Variants in CTSK observed in about 807,000 individuals in gnomAD.
The protein encoded by CTSK is cathepsin O.
Under a neutral mutation model 40.5 loss-of-function variants are expected in CTSK, and 26 were observed. That is an observed-to-expected ratio of 0.64 (90% CI 0.47 to 0.89). The LOEUF (loss-of-function observed/expected upper bound fraction) is 0.89, where lower values mean the gene tolerates loss of function less well. Ranked by LOEUF, CTSK falls within the 40% of genes least tolerant of loss-of-function variation. CTSK has a pLI of 0.00. For missense variants in CTSK, 292 were observed against 400.1 expected, an observed-to-expected ratio of 0.73 and a Z score of 2.30; for synonymous variants, 132 against 143.2, an observed-to-expected ratio of 0.92 and a Z score of 0.56.
rs899909150 is a variant in CTSK, at chr1:150,796,596, C to T, written c.*203G>A. 2 of 648,344 alleles carry T rather than the reference C, an allele frequency of 3.1e-6. No homozygotes were observed. The highest frequency in any genetic ancestry group is 5.4e-5 in the East Asian group (2 of 36,810). The allele number at this position is 648,344 out of a possible 1,614,324, so 40.2% of individuals were successfully genotyped here. A position where few individuals can be genotyped will look rare whatever the true frequency, so the allele number is the denominator to read the frequency against. The stretch of plus-strand genomic sequence containing the variant: ...CAGCTGTCAGGGAAAGTCCTGATGG[C>T]CACAGTGAAAAAGGTCATGGGTGGA... On this transcript the variant is annotated 3_prime_UTR_variant, in exon 8 of 8. Coordinates refer to ENST00000271651, the MANE Select transcript of CTSK (RefSeq NM_000396.4).
chr1:150,806,696 T>C lies in CTSK; in HGVS notation c.110A>G (p.Tyr37Cys), dbSNP rs878961164. The C allele has an allele frequency of 1.9e-6, 3 of 1,613,992 alleles. No individual in the cohort carries two copies. The highest frequency in any genetic ancestry group is 1.7e-6 in the Non-Finnish European group (2 of 1,180,014). ...CAGGACCCCAGGCACCTTGTTGTTATATTGCTTCCTGTGGGTCTTCTTCCA... is the reference window on the plus strand; with the variant it reads ...CAGGACCCCAGGCACCTTGTTGTTACATTGCTTCCTGTGGGTCTTCTTCCA... ...ELWKKTHRKQ[Y>C]NNKVDEISRR... Residue 37 changes from tyrosine (Y) to cysteine (C), a missense_variant, in exon 2 of 8, where the codon TAT (tyrosine) becomes TGT (cysteine). By Grantham distance (194) the Tyr-to-Cys change is radical. Coordinates refer to ENST00000271651, the MANE Select transcript of CTSK (RefSeq NM_000396.4).
chr1:150,801,434 T>A (rs1242655095), intron 5 of CTSK, among the ~76,000 whole-genome samples: 1 of 152,150 alleles, frequency 6.6e-6, no homozygotes, highest in Admixed American at 6.5e-5. Context: ...TCTTCTTTTT[T>A]AAATTTTATT....
chr1:150,799,470 A>T (rs1159983563), intron 6 of CTSK, 74 bp downstream of exon 6: 1 of 1,569,252 alleles, frequency 6.4e-7, no homozygotes, highest in Non-Finnish European at 8.8e-7. Context: ...TACTGAAAAT[A>T]CCCAAGGTCC....
chr1:150,805,638 CAAAAAAAAAAA>C (rs79027279), intron 4 of CTSK, among the ~76,000 whole-genome samples: 4 of 55,000 alleles, frequency 7.3e-5, no homozygotes, highest in Non-Finnish European at 9.7e-5. Context: ...GACTCTATCT[CAAAAAAAAAAA>C]AAAAAAAAAA....
chr1:150,806,638 G>A, intron 2 of CTSK, 48 bp downstream of exon 2: 1 of 1,611,960 alleles, frequency 6.2e-7, no homozygotes, highest in Non-Finnish European at 8.5e-7. Flanking sequence ...AGATGAGAGA[G>A]CTCAGGTCTC....
intron 7 of CTSK, among the ~76,000 whole-genome samples, chr1:150,797,373 G>T (rs189081358): frequency 2.6e-5 from 4 of 152,318 alleles, no homozygotes; most frequent in African/African-American, 9.6e-5. Context: ...ACCCATCATC[G>T]TGAGGAGCCA....
At chr1:150,799,489 A>G (rs2101947897) in intron 6 of CTSK, 55 bp downstream of exon 6, 1 of 1,603,074 alleles carries the variant, frequency 6.2e-7, no homozygotes, top group Non-Finnish European at 8.5e-7. Context: ...CCTTCGAGAA[A>G]CCATCAAGTT....
intron 6 of CTSK, 124 bp from the exon 7 acceptor site, chr1:150,799,397 G>T: frequency 8.3e-7 from 1 of 1,198,358 alleles, no homozygotes; most frequent in Non-Finnish European, 1.2e-6. Flanking sequence ...CAGAGATGCT[G>T]CTCCATACTG....
chr1:150,807,584 A>C, intron 1 of CTSK: 2 of 327,754 alleles, frequency 6.1e-6, no homozygotes, highest in Non-Finnish European at 1.2e-5. Context: ...TTGTTAGAAG[A>C]ATGTTCAGAC....
At chr1:150,797,290 T>C (rs1002691201) in intron 7 of CTSK, among the ~76,000 whole-genome samples, 4 of 152,082 alleles carry the variant, frequency 2.6e-5, no homozygotes, top group African/African-American at 9.7e-5. Context: ...GGGAGAGATG[T>C]CTGGAAAGGC....
intron 2 of CTSK, 110 bp from the exon 3 acceptor site, chr1:150,806,334 T>C: frequency 7.8e-7 from 1 of 1,285,328 alleles, no homozygotes; most frequent in Non-Finnish European, 1.1e-6. Context: ...AGTTTACAGT[T>C]TAGTTGGGGA....
In CTSK at chr1:150,805,991, ATCT is replaced by A. The variant is rs771607501; in HGVS notation, c.266_268del (p.Lys89del). ...AGACAGGGGTACTTTGAGTCCAGTC[ATCT>A]TCTGAACCACCTCTTCACTGGTCTA... is the stretch of plus-strand genomic sequence containing the variant. On this transcript the variant is annotated inframe_deletion, in exon 4 of 8. Coordinates refer to ENST00000271651, the MANE Select transcript of CTSK (RefSeq NM_000396.4). 6 of 1,614,216 alleles carry A rather than the reference ATCT, an allele frequency of 3.7e-6. No homozygotes were observed. In the South Asian group the frequency reaches 4.4e-5, roughly 12 times the overall value.
intron 4 of CTSK, among the ~76,000 whole-genome samples, chr1:150,805,268 A>G (rs1293729924): frequency 6.6e-6 from 1 of 151,666 alleles, no homozygotes; most frequent in African/African-American, 2.4e-5. Flanking sequence ...AACAATTCCA[A>G]TTTTAGGACT....
intron 5 of CTSK, among the ~76,000 whole-genome samples, chr1:150,802,733 T>G (rs890428270): frequency 6.6e-6 from 1 of 151,884 alleles, no homozygotes; most frequent in Non-Finnish European, 1.5e-5. Context: ...AAAAAAAAAT[T>G]TCAAAGGTTT....
intron 5 of CTSK, chr1:150,801,078 A>G (rs1180585857): frequency 6.6e-6 from 1 of 152,472 alleles, no homozygotes; most frequent in Non-Finnish European, 1.5e-5. Context: ...GAACAAACTT[A>G]TAATACCATC....
At chr1:150,804,705 T>C (rs1227583092) in intron 4 of CTSK, among the ~76,000 whole-genome samples, 1 of 152,206 alleles carries the variant, frequency 6.6e-6, no homozygotes, top group Admixed American at 6.5e-5. Context: ...TTTCCTGTTC[T>C]ATTTTTTTAG....
At chr1:150,807,121 C>A in intron 1 of CTSK, 1 of 444,122 alleles carries the variant, frequency 2.3e-6, no homozygotes, top group Non-Finnish European at 4.3e-6. Context: ...CACACACACA[C>A]ACACGTACAC....
At position 150,804,227 on chromosome 1, in the gene CTSK, A is replaced by T. The variant is rs777898190; in HGVS notation, c.412T>A (p.Ser138Thr). ...TPVKNQGQCG[S>T]CWAFSSVGAL... ...CCCACAGAGCTAAAAGCCCAACAGG[A>T]ACCACACTGACCCTGAAAGGCATAC... The change falls in exon 5 of 8, where the codon TCC (serine) becomes ACC (threonine). Residue 138 changes from serine to threonine, a missense_variant. Coordinates refer to ENST00000271651, the MANE Select transcript of CTSK (RefSeq NM_000396.4). 1 of 1,614,004 alleles carries T rather than the reference A, an allele frequency of 6.2e-7. No individual in the cohort carries two copies. Among genetic ancestry groups the T allele is most frequent in the Admixed American group, 1.7e-5 (1 of 60,022 alleles).
In CTSK at chr1:150,805,477, A is replaced by G. The variant is rs587615996; in HGVS notation, c.399+384T>C. 4.6e-5 allele frequency among the ~76,000 whole-genome samples: 7 copies of G among 151,768 alleles called. No individual in the cohort carries two copies. The South Asian group carries it at 1.5e-3, about 32-fold the overall frequency. Reference sequence around the variant, plus strand: ...CAACATGGTGAAAACGCATCTCTATAAAAATAGAAAAATTAGCCAGGCGTA... The same window carrying G: ...CAACATGGTGAAAACGCATCTCTATGAAAATAGAAAAATTAGCCAGGCGTA... On this transcript the variant is annotated intron_variant, in intron 4 of 7. Coordinates refer to ENST00000271651, the MANE Select transcript of CTSK (RefSeq NM_000396.4).
Sources: gnomAD v4.1 joint callset for allele counts (sites outside exome capture counted in the v4.1 genomes callset) on GRCh38, gnomAD v4.1.1 for gene constraint, MANE v1.5 for transcripts, NCBI Gene and HGNC (gene_info 2026-07-23, HGNC 2026-07-21) for gene names.